The following RGL1 variants were observed in gnomAD, a reference collection of about 807,000 sequenced individuals.
RGL1 encodes ral guanine nucleotide dissociation stimulator like 1, also known as ral guanine nucleotide dissociation stimulator-like 1.
Under a neutral mutation model 95.2 loss-of-function variants are expected in RGL1, and 24 were observed. The ratio of observed to expected loss-of-function variants is 0.25; its 90% CI spans 0.18 to 0.35. The LOEUF (loss-of-function observed/expected upper bound fraction) is 0.35. Among genes scored for constraint, RGL1 ranks in the 10% least tolerant of loss-of-function variants. RGL1 has a pLI of 1.00. For synonymous variants in RGL1, 329 were observed against 344.9 expected, an observed-to-expected ratio of 0.95 and a Z score of 0.51; for missense variants, 715 against 936.3, an observed-to-expected ratio of 0.76 and a Z score of 3.08.
At chr1:183,874,803 C>T (rs1480981207) in intron 4 of RGL1, among the ~76,000 whole-genome samples, 1 of 152,194 alleles carries the variant, frequency 6.6e-6, no homozygotes, top group African/African-American at 2.4e-5. Flanking sequence ...TGTTCCTTCT[C>T]ATCAGGAAAA....
At chr1:183,676,857 A>T (rs1652860030) in intron 1 of RGL1, among the ~76,000 whole-genome samples, 1 of 151,068 alleles carries the variant, frequency 6.6e-6, no homozygotes, top group African/African-American at 2.4e-5. Context: ...ATATAAGCAT[A>T]TTTCAAATTT....
intron 2 of RGL1, among the ~76,000 whole-genome samples, chr1:183,759,666 G>C (rs758233222): frequency 6.6e-6 from 1 of 152,140 alleles, no homozygotes; most frequent in Non-Finnish European, 1.5e-5. Context: ...CTCTAGTCAG[G>C]GAAGTCTCTC....
intron 4 of RGL1, among the ~76,000 whole-genome samples, chr1:183,879,860 G>A (rs990935118): frequency 6.6e-6 from 1 of 152,188 alleles, no homozygotes. Context: ...CTAACATACT[G>A]GAGGGAGCTG....
At chr1:183,716,772 G>T (rs1294102603) in intron 1 of RGL1, among the ~76,000 whole-genome samples, 4 of 152,196 alleles carry the variant, frequency 2.6e-5, no homozygotes, top group Non-Finnish European at 5.9e-5. Flanking sequence ...AAATGTAAAA[G>T]CTTGTTGATA....
chr1:183,726,451 G>T (rs1308675834), intron 1 of RGL1, among the ~76,000 whole-genome samples: 1 of 151,918 alleles, frequency 6.6e-6, no homozygotes, highest in Admixed American at 6.5e-5. Flanking sequence ...ACATCTCTAA[G>T]ATTCTTTATA....
intron 3 of RGL1, among the ~76,000 whole-genome samples, chr1:183,859,049 C>T (rs1310495414): frequency 6.6e-6 from 1 of 152,212 alleles, no homozygotes. Flanking sequence ...AATCTAGACT[C>T]ATGAACAGAG....
At chr1:183,804,323 G>T (rs984432290), upstream of RGL1, among the ~76,000 whole-genome samples, 1 of 152,006 alleles carries the variant, frequency 6.6e-6, no homozygotes, top group African/African-American at 2.4e-5. Flanking sequence ...GCATTATCTG[G>T]TATCTCTTGC....
intron 2 of RGL1, among the ~76,000 whole-genome samples, chr1:183,818,464 A>C (rs1344143168): frequency 2.0e-5 from 3 of 152,198 alleles, no homozygotes; most frequent in African/African-American, 7.2e-5. Context: ...TAACCCTTTA[A>C]GTTGCAGCTC....
chr1:183,675,161 G>A (rs1398820214), intron 1 of RGL1, among the ~76,000 whole-genome samples: 1 of 152,082 alleles, frequency 6.6e-6, no homozygotes, highest in African/African-American at 2.4e-5. Flanking sequence ...ACTTACACAG[G>A]GCACTCGGGA....
chr1:183,750,509 C>T (rs1239166911), intron 2 of RGL1, among the ~76,000 whole-genome samples: 2 of 152,118 alleles, frequency 1.3e-5, no homozygotes, highest in Non-Finnish European at 2.9e-5. Flanking sequence ...TAGAACATGC[C>T]CCTTTAGCTG....
chr1:183,736,407 C>A (rs1656943336), intron 1 of RGL1, among the ~76,000 whole-genome samples: 1 of 152,118 alleles, frequency 6.6e-6, no homozygotes, highest in Non-Finnish European at 1.5e-5. Flanking sequence ...GACACTGAGG[C>A]CAAGAAAGGT....
intron 9 of RGL1, among the ~76,000 whole-genome samples, chr1:183,895,793 G>C (rs1044041328): frequency 4.6e-5 from 7 of 152,140 alleles, no homozygotes; most frequent in African/African-American, 1.7e-4. Flanking sequence ...TGGAATAATA[G>C]GGACTCGTCG....
At chr1:183,823,222 G>T (rs916290405) in intron 2 of RGL1, among the ~76,000 whole-genome samples, 3 of 151,818 alleles carry the variant, frequency 2.0e-5, no homozygotes, top group African/African-American at 7.3e-5. Context: ...CTTAAATTAG[G>T]CCTCTATAAA....
chr1:183,711,324 TC>T (rs1473587672), intron 1 of RGL1, among the ~76,000 whole-genome samples: 1 of 152,186 alleles, frequency 6.6e-6, no homozygotes, highest in Non-Finnish European at 1.5e-5. Flanking sequence ...TCTGTCATTT[TC>T]TCTCATGAAC....
intron 1 of RGL1, among the ~76,000 whole-genome samples, chr1:183,701,228 C>T (rs1654580514): frequency 6.6e-6 from 1 of 152,190 alleles, no homozygotes; most frequent in Non-Finnish European, 1.5e-5. Flanking sequence ...TGGGGAATAA[C>T]AATCCACTGT....
chr1:183,812,920 T>G (rs1370462083), intron 2 of RGL1, among the ~76,000 whole-genome samples: 1 of 152,204 alleles, frequency 6.6e-6, no homozygotes, highest in Non-Finnish European at 1.5e-5. Context: ...GCATGAGTCA[T>G]GTCACCAAGA....
intron 15 of RGL1, 43 bp downstream of exon 15, chr1:183,912,311 A>G (rs1219526155): frequency 2.0e-6 from 3 of 1,526,198 alleles, no homozygotes; most frequent in East Asian, 2.3e-5. Flanking sequence ...GCAGGCACCT[A>G]CATGCTCTTT....
intron 1 of RGL1, among the ~76,000 whole-genome samples, chr1:183,703,501 G>T (rs929740136): frequency 6.6e-6 from 1 of 152,210 alleles, no homozygotes. Flanking sequence ...CACCCTCCTA[G>T]AATGTTTGTT....
intron 2 of RGL1, among the ~76,000 whole-genome samples, chr1:183,819,888 G>C (rs1662342394): frequency 6.6e-6 from 1 of 151,504 alleles, no homozygotes; most frequent in African/African-American, 2.4e-5. Context: ...GGTCTCAAAG[G>C]GTTCTCCTGC....
Sources: allele counts gnomAD v4.1 joint callset (sites outside exome capture counted in the v4.1 genomes callset), GRCh38; gene constraint gnomAD v4.1.1; transcripts MANE v1.5; gene names NCBI Gene and HGNC (gene_info 2026-07-23, HGNC 2026-07-21).